The following WARS1 variants were observed in gnomAD, a reference collection of about 807,000 sequenced individuals.
The protein encoded by WARS1 is tryptophan--tRNA ligase, cytoplasmic.
In WARS1, 17 loss-of-function variants were observed where a neutral mutation model predicts 47.8. The observed-to-expected ratio is 0.36, with a 90% CI of 0.24 to 0.53. The LOEUF is 0.53. Among genes scored for constraint, WARS1 ranks in the 20% least tolerant of loss-of-function variants. WARS1 has a pLI of 0.91. For synonymous variants in WARS1, 208 were observed against 228.1 expected (o/e 0.91, Z 0.79); for missense variants, 434 against 608.0 (o/e 0.71, Z 3.01).
chr14:100,361,843 C>T lies in WARS1; in HGVS notation c.178G>A (p.Ala60Thr), dbSNP rs1465845626. 4 of 1,614,058 alleles carry T rather than the reference C, an allele frequency of 2.5e-6. No homozygotes were observed. Among genetic ancestry groups the T allele is most frequent in the Non-Finnish European group, 3.4e-6 (4 of 1,180,044 alleles). ...YKAAAGEDYK[A>T]DCPPGNPAPT... The stretch of plus-strand genomic sequence containing the variant: ...GCTGGGTTCCCTGGAGGACAGTCAG[C>T]CTTGTAATCCTCCCCCGCGGCAGCT... Residue 60 changes from alanine (A) to threonine (T), a missense_variant, in exon 3 of 11, where the codon GCT (alanine) becomes ACT (threonine). This residue lies in a region of WARS1 where 87 missense variants were observed against 84.2 expected (regional missense o/e 1.03). Transcript: ENST00000392882.
At chr14:100,355,560 A>G (rs1391029655) in intron 4 of WARS1, among the ~76,000 whole-genome samples, 2 of 152,088 alleles carry the variant, frequency 1.3e-5, no homozygotes, top group Non-Finnish European at 2.9e-5. Context: ...AGGAGTTCCA[A>G]TGTTCAGCAG....
chr14:100,347,994 T>C (rs1259061897), intron 6 of WARS1, among the ~76,000 whole-genome samples: 5 of 152,232 alleles, frequency 3.3e-5, no homozygotes, highest in Non-Finnish European at 7.3e-5. Context: ...TTTAAGTGTT[T>C]GCACCATGTG....
intron 4 of WARS1, 153 bp downstream of exon 4, chr14:100,360,401 T>TTA (rs1895586207): frequency 4.0e-6 from 2 of 504,140 alleles, no homozygotes; most frequent in African/African-American, 3.8e-5. Flanking sequence ...CCACAGTGGG[T>TTA]TACTGACAGG....
At chr14:100,371,617 C>T (rs1896356439) in intron 1 of WARS1, among the ~76,000 whole-genome samples, 1 of 151,910 alleles carries the variant, frequency 6.6e-6, no homozygotes, top group African/African-American at 2.4e-5. Flanking sequence ...TACCTGTAGT[C>T]CCAGCTACTT....
Position 100,360,621 on chromosome 14 carries a change from G to A in WARS1, c.355C>T (p.Arg119Ter), listed in dbSNP as rs1412389611. 2.5e-6 allele frequency: 4 copies of A among 1,613,610 alleles called. No individual in the cohort carries two copies. Among genetic ancestry groups the A allele is most frequent in the Admixed American group, 3.3e-5 (2 of 59,986 alleles). ...CTTTGGCCGGTGGCTCTCTCTATTC[G>A]GTTTATTAGCTCTTTGTCAATTTTA... ...SSKIDKELIN[R>*]IERATGQRPH... is the part of the protein sequence containing the mutation. Residue 119 changes from arginine (R) to a stop codon, truncating the protein, a stop_gained, in exon 4 of 11, where the codon CGA (arginine) becomes TGA (stop). Coordinates refer to ENST00000392882, the MANE Select transcript of WARS1 (RefSeq NM_004184.4). LOFTEE classifies it high-confidence loss of function.
intron 2 of WARS1, chr14:100,366,817 T>C: frequency 6.7e-7 from 1 of 1,488,908 alleles, no homozygotes; most frequent in Non-Finnish European, 9.4e-7. Flanking sequence ...TTTCCTTTTT[T>C]GATGTATTGT....
intron 2 of WARS1, chr14:100,365,941 C>T: frequency 2.2e-6 from 1 of 447,698 alleles, no homozygotes; most frequent in South Asian, 1.6e-5. Context: ...CCTTAGTGAC[C>T]TTGCGCACTT....
At chr14:100,344,113 C>A (rs908693129) in intron 7 of WARS1, among the ~76,000 whole-genome samples, 1 of 151,606 alleles carries the variant, frequency 6.6e-6, no homozygotes, top group Non-Finnish European at 1.5e-5. Flanking sequence ...TCTCTTTCCA[C>A]GGTCTCCCTC....
At chr14:100,348,523 T>C (rs1180075609) in intron 6 of WARS1, among the ~76,000 whole-genome samples, 3 of 152,092 alleles carry the variant, frequency 2.0e-5, no homozygotes, top group African/African-American at 7.2e-5. Context: ...CTCAGCACAA[T>C]GGAAACAACA....
chr14:100,350,895 G>A (rs1894937461), intron 6 of WARS1, among the ~76,000 whole-genome samples: 1 of 152,188 alleles, frequency 6.6e-6, no homozygotes, highest in African/African-American at 2.4e-5. Context: ...GCTTGATCAT[G>A]CCTTTGGAAG....
chr14:100,374,259 G>C (rs941928), intron 1 of WARS1: 114,105 of 152,160 alleles, frequency 0.75, 43,402 homozygotes, highest in East Asian at 0.87. Flanking sequence ...TTAACAAATA[G>C]TACACTCTGA....
At chr14:100,356,615 C>T (rs1224229432) in intron 4 of WARS1, among the ~76,000 whole-genome samples, 4 of 152,020 alleles carry the variant, frequency 2.6e-5, no homozygotes, top group African/African-American at 9.7e-5. Context: ...AAAATATACA[C>T]AGATCTGGAA....
intron 2 of WARS1, among the ~76,000 whole-genome samples, chr14:100,367,176 T>C (rs955209179): frequency 4.7e-5 from 7 of 150,058 alleles, no homozygotes; most frequent in African/African-American, 1.7e-4. Context: ...TGGAAAACAA[T>C]AGGAGGGTTA....
chr14:100,340,470 C>G (rs1268917079), intron 9 of WARS1: 4 of 152,226 alleles, frequency 2.6e-5, no homozygotes. Flanking sequence ...GTCGTCAGCA[C>G]TGTGCTACTA....
At chr14:100,336,095 A>G (rs1222686076) in intron 10 of WARS1, among the ~76,000 whole-genome samples, 19 of 151,852 alleles carry the variant, frequency 1.3e-4, no homozygotes, top group Non-Finnish European at 2.9e-5. Context: ...ATAAGACGGT[A>G]AAACCCTGTC....
chr14:100,363,936 G>A (rs1895801282), intron 2 of WARS1, among the ~76,000 whole-genome samples: 1 of 152,040 alleles, frequency 6.6e-6, no homozygotes, highest in Non-Finnish European at 1.5e-5. Context: ...AAAAGCTGAT[G>A]TTCAGAAAAA....
intron 2 of WARS1, among the ~76,000 whole-genome samples, chr14:100,364,775 T>C (rs1395538233): frequency 6.6e-6 from 1 of 152,218 alleles, no homozygotes; most frequent in Non-Finnish European, 1.5e-5. Context: ...TCAAATTTAA[T>C]ATTAAATGGA....
chr14:100,366,788 G>C, intron 2 of WARS1: 1 of 1,208,996 alleles, frequency 8.3e-7, no homozygotes, highest in Non-Finnish European at 1.2e-6. Context: ...AAGATACATG[G>C]GTGGCTTTGC....
chr14:100,372,694 G>A (rs545505224), intron 1 of WARS1, among the ~76,000 whole-genome samples: 160 of 152,278 alleles, frequency 1.1e-3, no homozygotes, highest in African/African-American at 3.5e-3. Flanking sequence ...CAATCATCAT[G>A]TCCAGAAACC....
Sources: allele counts gnomAD v4.1 joint callset (sites outside exome capture counted in the v4.1 genomes callset), GRCh38; gene constraint gnomAD v4.1.1; regional missense constraint gnomAD v4.1.1; transcripts MANE v1.5; gene names NCBI Gene and HGNC (gene_info 2026-07-23, HGNC 2026-07-21).